ZNF148: variants seen among roughly 807,000 people sequenced by gnomAD.
ZNF148 encodes zinc finger protein 148, also known as Beta-Enolase Repressor Factor-1.
A neutral mutation model predicts 67.7 loss-of-function variants in ZNF148; 7 were observed. The ratio of observed to expected loss-of-function variants is 0.10; its 90% CI spans 0.06 to 0.19. The LOEUF (loss-of-function observed/expected upper bound fraction) is 0.19, where lower values mean the gene tolerates loss of function less well. Ranked by LOEUF, ZNF148 falls within the 10% of genes least tolerant of loss-of-function variation. ZNF148 has a pLI of 1.00. For missense variants in ZNF148, 583 were observed against 947.1 expected, an observed-to-expected ratio of 0.62 and a Z score of 5.05; for synonymous variants, 333 against 330.7, an observed-to-expected ratio of 1.01 and a Z score of -0.08.
At chr3:125,294,619 C>G (rs1939190619) in intron 4 of ZNF148, among the ~76,000 whole-genome samples, 1 of 152,212 alleles carries the variant, frequency 6.6e-6, no homozygotes. Context: ...CAGACATTCA[C>G]TACCATGCAC....
intron 3 of ZNF148, chr3:125,315,142 A>C (rs964949865): frequency 5.3e-5 from 8 of 152,338 alleles, no homozygotes; most frequent in African/African-American, 1.4e-4. Context: ...TTCATTTATC[A>C]CATTTCTTAG....
At chr3:125,366,286 A>T (rs974039661) in intron 1 of ZNF148, among the ~76,000 whole-genome samples, 1 of 152,242 alleles carries the variant, frequency 6.6e-6, no homozygotes, top group Non-Finnish European at 1.5e-5. Context: ...TAAACAGAAG[A>T]GCCAAGACTA....
chr3:125,340,975 G>C (rs1449527160), intron 1 of ZNF148, among the ~76,000 whole-genome samples: 1 of 116,968 alleles, frequency 8.5e-6, no homozygotes, highest in Non-Finnish European at 1.6e-5. Context: ...GCGACAGAGC[G>C]AGACTCCGGC....
At chr3:125,321,682 T>TA (rs560811942) in intron 3 of ZNF148, among the ~76,000 whole-genome samples, 142 of 151,226 alleles carry the variant, frequency 9.4e-4, no homozygotes, top group Middle Eastern at 3.4e-3. Context: ...AGGGAAAAGG[T>TA]AAAAAAAAAG....
intron 7 of ZNF148, among the ~76,000 whole-genome samples, chr3:125,271,349 C>T (rs953121836): frequency 5.3e-5 from 8 of 152,264 alleles, no homozygotes; most frequent in African/African-American, 1.2e-4. Flanking sequence ...TTGTGAAATC[C>T]GGTCTTACCC....
chr3:125,291,554 C>T (rs1022704712), intron 4 of ZNF148, among the ~76,000 whole-genome samples: 1 of 152,090 alleles, frequency 6.6e-6, no homozygotes, highest in African/African-American at 2.4e-5. Flanking sequence ...CTGTTTTCCC[C>T]TATACTCCTG....
intron 7 of ZNF148, among the ~76,000 whole-genome samples, chr3:125,272,389 C>T (rs1417187257): frequency 6.6e-6 from 1 of 152,118 alleles, no homozygotes; most frequent in Non-Finnish European, 1.5e-5. Context: ...AATATAGCTG[C>T]TATGAACTAA....
intron 1 of ZNF148, among the ~76,000 whole-genome samples, chr3:125,369,261 CAAAAAAA>C (rs71148178): frequency 1.6e-3 from 20 of 12,888 alleles, no homozygotes; most frequent in South Asian, 0.011. Flanking sequence ...GATCCTGCCT[CAAAAAAA>C]AAAAAAAAAA....
intron 1 of ZNF148, among the ~76,000 whole-genome samples, chr3:125,369,282 A>AAAAAAAAAC (rs1942798496): frequency 6.7e-6 from 1 of 148,542 alleles, no homozygotes. Flanking sequence ...AAAAAAAAAA[A>AAAAAAAAAC]AAAAGCCATA....
intron 7 of ZNF148, among the ~76,000 whole-genome samples, chr3:125,241,618 T>A (rs763068494): frequency 7.2e-5 from 11 of 152,230 alleles, no homozygotes; most frequent in Non-Finnish European, 1.3e-4. Flanking sequence ...TGACAGCGGA[T>A]GTTATTTATT....
intron 1 of ZNF148, among the ~76,000 whole-genome samples, chr3:125,331,906 G>A (rs1450384728): frequency 6.6e-6 from 1 of 152,148 alleles, no homozygotes; most frequent in Non-Finnish European, 1.5e-5. Context: ...TATATTAAAT[G>A]AAAGTAATGA....
At chr3:125,319,204 C>G (rs1940662949) in intron 3 of ZNF148, among the ~76,000 whole-genome samples, 1 of 152,122 alleles carries the variant, frequency 6.6e-6, no homozygotes, top group South Asian at 2.1e-4. Flanking sequence ...TGGTCACCTT[C>G]TAATTTAATG....
chr3:125,342,938 C>T (rs1941791995), intron 1 of ZNF148, among the ~76,000 whole-genome samples: 1 of 152,070 alleles, frequency 6.6e-6, no homozygotes, highest in African/African-American at 2.4e-5. Context: ...ACCAAAACAG[C>T]CACTACAAAA....
chr3:125,263,153 A>T (rs1420158469), intron 7 of ZNF148, among the ~76,000 whole-genome samples: 1 of 152,234 alleles, frequency 6.6e-6, no homozygotes, highest in Non-Finnish European at 1.5e-5. Context: ...TCCATTTTGA[A>T]ACTATTCTTG....
rs555582254 is a variant in ZNF148 at position 125,357,467 on chromosome 3, C to G, written c.-234+17635G>C. ...GGTGGGCAAAAGCCCGTCCTCCCCC[C>G]CTTCCAGGGCCTGCTCACTTCAGGG... On this transcript the variant is annotated intron_variant, in intron 1 of 8. Coordinates refer to ENST00000360647, the MANE Select transcript of ZNF148 (RefSeq NM_021964.3). Among the ~76,000 whole-genome samples the G allele has an allele frequency of 2.9e-3, 437 of 152,364 alleles. 1 individual carries two copies. The highest frequency in any genetic ancestry group is 4.2e-3 in the Non-Finnish European group (288 of 68,032).
At chr3:125,297,160 G>C (rs768983381) in intron 4 of ZNF148, among the ~76,000 whole-genome samples, 20 of 151,620 alleles carry the variant, frequency 1.3e-4, no homozygotes, top group Non-Finnish European at 1.9e-4. Context: ...AATATACTAA[G>C]TTGTTCTAAA....
intron 1 of ZNF148, among the ~76,000 whole-genome samples, chr3:125,363,444 G>A (rs1942604547): frequency 6.6e-6 from 1 of 152,138 alleles, no homozygotes; most frequent in East Asian, 1.9e-4. Context: ...GTTCTGCTAA[G>A]TGATCTAATA....
At chr3:125,369,059 C>T (rs1293426749) in intron 1 of ZNF148, among the ~76,000 whole-genome samples, 3 of 151,360 alleles carry the variant, frequency 2.0e-5, no homozygotes, top group South Asian at 4.2e-4. Flanking sequence ...GCCAGGAGTT[C>T]GAGACCAGCC....
chr3:125,241,676 T>G (rs1042733641), intron 7 of ZNF148, among the ~76,000 whole-genome samples: 5 of 152,248 alleles, frequency 3.3e-5, no homozygotes, highest in Non-Finnish European at 5.9e-5. Context: ...CAATCCTCTA[T>G]CATTTCCCAA....
Sources: allele counts gnomAD v4.1 joint callset (sites outside exome capture counted in the v4.1 genomes callset), GRCh38; gene constraint gnomAD v4.1.1; transcripts MANE v1.5; gene names NCBI Gene and HGNC (gene_info 2026-07-23, HGNC 2026-07-21).